The following SIGLEC12 variants were observed in gnomAD, a reference collection of about 807,000 sequenced individuals.
SIGLEC12 encodes the protein sialic acid-binding Ig-like lectin 12.
SIGLEC12 carries 43 observed loss-of-function variants against 54.1 expected under a neutral mutation model. The observed-to-expected ratio is 0.80, with a 90% CI of 0.62 to 1.03. The LOEUF is 1.03. SIGLEC12 is among the 50% of genes least tolerant of loss of function. The pLI is 0.00. For missense variants in SIGLEC12, 802 were observed against 735.2 expected, an observed-to-expected ratio of 1.09 and a Z score of -1.05; for synonymous variants, 357 against 307.6, an observed-to-expected ratio of 1.16 and a Z score of -1.68.
intron 7 of SIGLEC12, among the ~76,000 whole-genome samples, chr19:51,496,509 G>A (rs1990242932): frequency 6.6e-6 from 1 of 152,098 alleles, no homozygotes; most frequent in Admixed American, 6.6e-5. Context: ...AATTCCTGGA[G>A]AACAAAGATT....
intron 4 of SIGLEC12, 107 bp downstream of exon 4, chr19:51,499,063 G>GGGGC: frequency 8.5e-7 from 1 of 1,172,678 alleles, no homozygotes; most frequent in Non-Finnish European, 1.3e-6. Flanking sequence ...GGAGGGGGGG[G>GGGGC]CCGGGGCTCA....
At chr19:51,499,107 C>G in intron 4 of SIGLEC12, 63 bp downstream of exon 4, 3 of 1,582,882 alleles carry the variant, frequency 1.9e-6, no homozygotes, top group Non-Finnish European at 1.7e-6. Context: ...CAGGGTGAGT[C>G]CTGGCTCTCC....
intron 1 of SIGLEC12, 81 bp downstream of exon 1, chr19:51,501,226 C>G: frequency 6.8e-7 from 1 of 1,465,682 alleles, no homozygotes; most frequent in Non-Finnish European, 9.4e-7. Context: ...GGCCCCCTCC[C>G]AGGACATGTG....
rs535638938 is a variant in SIGLEC12 at position 51,495,261 on chromosome 19, G to GTGGATGGA, written c.1599+1611_1599+1618dup. Among the ~76,000 whole-genome samples, 49 of 79,166 alleles carry GTGGATGGA rather than the reference G, an allele frequency of 6.2e-4. 3 individuals carry two copies. Among genetic ancestry groups the GTGGATGGA allele is most frequent in the East Asian group, 6.1e-3 (14 of 2,302 alleles). 51.9% of individuals were successfully genotyped at this position (79,166 alleles called of 152,430 possible). A position where few individuals can be genotyped will look rare whatever the true frequency, so the allele number is the denominator to read the frequency against. ...GATGGATGGATGGACGGGTGGGTGG[G>GTGGATGGA]TGGATGGATGGATGGATGGATGGAT... On this transcript the variant is annotated intron_variant, in intron 7 of 7. Transcript: ENST00000291707.
At chr19:51,493,912 C>T (rs1343192243) in intron 7 of SIGLEC12, among the ~76,000 whole-genome samples, 1 of 152,222 alleles carries the variant, frequency 6.6e-6, no homozygotes, top group African/African-American at 2.4e-5. Flanking sequence ...TTGCACAAAA[C>T]TCTCCAAATG....
Position 51,498,185 on chromosome 19 carries a change from C to T in SIGLEC12, c.1238G>A (p.Trp413Ter). The T allele has an allele frequency of 6.2e-7, 1 of 1,614,232 alleles. No individual in the cohort carries two copies. Among genetic ancestry groups the T allele is most frequent in the Non-Finnish European group, 8.5e-7 (1 of 1,180,032 alleles). The change falls in exon 5 of 8, where the codon TGG becomes TAG. Residue 413 changes from tryptophan (W) to a stop codon, truncating the protein, a stop_gained. Transcript: ENST00000291707. LOFTEE classifies it high-confidence loss of function. The stretch of plus-strand genomic sequence containing the variant: ...GCTCAGGGTCAGGCTCCCCCAGGTC[C>T]AGCTCAGCCTGGCAGGGGGATTGCT... ...VDSNPPARLS[W>*]TWGSLTLSPS...
Position 51,501,325 on chromosome 19 carries a change from G to A in SIGLEC12, c.409C>T (p.Leu137Phe). ...NMKWNYKYDQ[L>F]SVNVTASQDL... ...GCCTTACCTGTCACATTCACAGAGAGCTGGTCATATTTATAATTCCATTTC... is the reference window on the plus strand; with the variant it reads ...GCCTTACCTGTCACATTCACAGAGAACTGGTCATATTTATAATTCCATTTC... Residue 137 changes from leucine (L) to phenylalanine (F), a missense_variant, in exon 1 of 8, where the codon CTC becomes TTC. By Grantham distance (22) the Leu-to-Phe change is conservative (BLOSUM62 0). Coordinates refer to ENST00000291707, the MANE Select transcript of SIGLEC12 (RefSeq NM_053003.4). 6.2e-7 allele frequency: 1 copy of A among 1,614,206 alleles called. No individual in the cohort carries two copies. Among genetic ancestry groups the A allele is most frequent in the Non-Finnish European group, 8.5e-7 (1 of 1,180,020 alleles).
At position 51,491,793 on chromosome 19, in the gene SIGLEC12, G is replaced by C. The variant is rs985407879; in HGVS notation, c.1636C>G (p.Pro546Ala). The change falls in exon 8 of 8, where the codon CCA becomes GCA. Residue 546 changes from proline (P) to alanine (A), a missense_variant. By Grantham distance (27) the Pro-to-Ala change is conservative (BLOSUM62 -1). Transcript: ENST00000291707. ...LIESPADDSP[P>A]HHAPPALATP... Reference sequence around the variant, plus strand: ...GCCAGGGCTGGCGGAGCATGGTGTGGGGGGCTGTCATCTGCCGGGGATTCA... The same window carrying C: ...GCCAGGGCTGGCGGAGCATGGTGTGCGGGGCTGTCATCTGCCGGGGATTCA... The C allele has an allele frequency of 1.6e-5, 26 of 1,596,920 alleles. No individual in the cohort carries two copies. The highest frequency in any genetic ancestry group is 2.7e-5 in the African/African-American group (2 of 74,476).
chr19:51,499,313 G>A, intron 3 of SIGLEC12, 96 bp from the exon 4 acceptor site: 3 of 1,574,320 alleles, frequency 1.9e-6, no homozygotes, highest in Non-Finnish European at 2.6e-6. Context: ...GGTGGAGCCA[G>A]CATCCTCCTG....
At chr19:51,497,324 C>T (rs758030479) in intron 6 of SIGLEC12, 25 bp downstream of exon 6, 1 of 1,601,402 alleles carries the variant, frequency 6.2e-7, no homozygotes, top group South Asian at 1.1e-5. Flanking sequence ...CCCCAAGGCT[C>T]TTCCTCCCCA....
At chr19:51,492,661 G>A (rs1309728742) in intron 7 of SIGLEC12, among the ~76,000 whole-genome samples, 4 of 152,184 alleles carry the variant, frequency 2.6e-5, no homozygotes, top group Non-Finnish European at 5.9e-5. Context: ...AAGGAGGAGG[G>A]CATAGATAGA....
At chr19:51,498,435 G>T in intron 4 of SIGLEC12, 148 bp from the exon 5 acceptor site, 1 of 660,824 alleles carries the variant, frequency 1.5e-6, no homozygotes, top group Non-Finnish European at 2.5e-6. Context: ...TGTTGGGGAT[G>T]TAAACTTGTC....
At position 51,501,338 on chromosome 19, in the gene SIGLEC12, A is replaced by C; in HGVS notation, c.396T>G (p.Tyr132Ter). Residue 132 changes from tyrosine (Y) to a stop codon, truncating the protein, a stop_gained, in exon 1 of 8, where the codon TAT becomes TAG. Transcript: ENST00000291707. LOFTEE classifies it high-confidence loss of function. Reference sequence around the variant, plus strand: ...CATTCACAGAGAGCTGGTCATATTTATAATTCCATTTCATATTTCCTCTCT... The same window carrying C: ...CATTCACAGAGAGCTGGTCATATTTCTAATTCCATTTCATATTTCCTCTCT... ...CVERGNMKWN[Y>*]KYDQLSVNVT... The C allele has an allele frequency of 6.2e-7, 1 of 1,614,108 alleles. No homozygotes were observed. Among genetic ancestry groups the C allele is most frequent in the Non-Finnish European group, 8.5e-7 (1 of 1,180,004 alleles).
At chr19:51,499,883 C>G in intron 2 of SIGLEC12, 37 bp downstream of exon 2, 1 of 1,577,554 alleles carries the variant, frequency 6.3e-7, no homozygotes, top group Non-Finnish European at 8.6e-7. Flanking sequence ...GGCCCTCGGG[C>G]CTTCCCCTCT....
At chr19:51,495,355 A>ATG (rs1990211249) in intron 7 of SIGLEC12, among the ~76,000 whole-genome samples, 2 of 16,002 alleles carry the variant, frequency 1.2e-4, no homozygotes, top group Admixed American at 9.2e-4. Context: ...ATGGATGGAC[A>ATG]GACGGGTGGG....
chr19:51,500,401 C>T lies in SIGLEC12; in HGVS notation c.428-101G>A, dbSNP rs762155702. 8.8e-6 allele frequency: 14 copies of T among 1,597,480 alleles called. No homozygotes were observed. The African/African-American group carries it at 1.6e-4, about 18-fold the overall frequency. ...CTGAGGCAGAGGCTTCCTGGGCTCC[C>T]TGTGTGAGCAGAGAAGGGGGAGGGA... On this transcript the variant is annotated intron_variant, in intron 1 of 7. Coordinates refer to ENST00000291707, the MANE Select transcript of SIGLEC12 (RefSeq NM_053003.4).
rs1195881544 is a variant in SIGLEC12 at position 51,491,421 on chromosome 19, A to G, written c.*220T>C. 16 of 545,212 alleles carry G rather than the reference A, an allele frequency of 2.9e-5. No homozygotes were observed. The highest frequency in any genetic ancestry group is 4.3e-5 in the South Asian group (2 of 46,452). 33.8% of individuals were successfully genotyped at this position (545,212 alleles called of 1,614,324 possible). A position where few individuals can be genotyped will look rare whatever the true frequency, so the allele number is the denominator to read the frequency against. Reference sequence around the variant, plus strand: ...TCGACCTCAGAGAAGTAGAGAAGAGAATGGTGGGTACCAGAGGCCGGGGGC... The same window carrying G: ...TCGACCTCAGAGAAGTAGAGAAGAGGATGGTGGGTACCAGAGGCCGGGGGC... On this transcript the variant is annotated 3_prime_UTR_variant, in exon 8 of 8. Transcript: ENST00000291707.
Position 51,499,466 on chromosome 19 carries a change from C to A in SIGLEC12, c.1059G>T (p.Met353Ile). 6.3e-7 allele frequency: 1 copy of A among 1,599,440 alleles called. No homozygotes were observed. The highest frequency in any genetic ancestry group is 8.5e-7 in the Non-Finnish European group (1 of 1,174,010). ...ATATGTTGAGTCGGACAGCCCTGGT[C>A]ATGGTCACGCCGGCCCCAGGCAAGG... The part of the protein sequence containing the change: ...QVTLPGAGVT[M>I]TRAVRLNISY... Residue 353 changes from methionine to isoleucine, a missense_variant, in exon 3 of 8, where the codon ATG (methionine) becomes ATT (isoleucine). Met to Ile is a conservative substitution (Grantham distance 10). Coordinates refer to ENST00000291707, the MANE Select transcript of SIGLEC12 (RefSeq NM_053003.4).
chr19:51,497,274 C>T (rs1990266730), intron 6 of SIGLEC12, 75 bp downstream of exon 6: 1 of 1,356,972 alleles, frequency 7.4e-7, no homozygotes, highest in African/African-American at 1.4e-5. Flanking sequence ...CCAGGTCCTT[C>T]CAGGTCTGGC....
Sources: allele counts gnomAD v4.1 joint callset (sites outside exome capture counted in the v4.1 genomes callset), GRCh38; gene constraint gnomAD v4.1.1; transcripts MANE v1.5; gene names NCBI Gene and HGNC (gene_info 2026-07-23, HGNC 2026-07-21).